Variants in GRM7 observed in about 807,000 individuals in gnomAD.
GRM7 encodes the protein glutamate metabotropic receptor 7.
A neutral mutation model predicts 84.5 loss-of-function variants in GRM7; 35 were observed. The ratio of observed to expected loss-of-function variants is 0.41; its 90% confidence interval spans 0.32 to 0.55. The LOEUF is 0.55. GRM7 is among the 20% of genes least tolerant of loss of function. GRM7 has a pLI of 0.19. For missense variants in GRM7, 1,003 were observed against 1,194.6 expected (o/e 0.84, Z 2.36); for synonymous variants, 487 against 455.1 (o/e 1.07, Z -0.89).
intron 5 of GRM7, among the ~76,000 whole-genome samples, chr3:7,420,389 A>ATAT (rs1696346099): frequency 2.6e-5 from 4 of 152,218 alleles, no homozygotes; most frequent in Admixed American, 6.5e-5. Context: ...TGAGGAATCC[A>ATAT]CAACAAAATG....
At chr3:6,902,850 T>TAC (rs34849112) in intron 1 of GRM7, among the ~76,000 whole-genome samples, 21,717 of 134,396 alleles carry the variant, frequency 0.16, 1,554 homozygotes, top group Non-Finnish European at 0.18. Flanking sequence ...AACAGACTCC[T>TAC]ACACACACAC....
At position 7,696,767 on chromosome 3, in the gene GRM7, G is replaced by A. The variant is rs558877995; in HGVS notation, c.2698+16472G>A. On this transcript the variant is annotated intron_variant, in intron 9 of 9. Transcript: ENST00000357716. ...TGTTTCAGAAGGAAAAAACAGTACA[G>A]GCAAAGGACTGAAGATGGCTATTTT... Among the ~76,000 whole-genome samples, 12 of 152,264 alleles carry A rather than the reference G, an allele frequency of 7.9e-5. No individual in the cohort carries two copies. The South Asian group carries it at 2.5e-3, about 32-fold the overall frequency.
intron 1 of GRM7, among the ~76,000 whole-genome samples, chr3:6,999,497 G>T (rs544287962): frequency 6.6e-6 from 1 of 152,114 alleles, no homozygotes; most frequent in South Asian, 2.1e-4. Context: ...TTCCACAATC[G>T]GGTACCCTTA....
intron 8 of GRM7, among the ~76,000 whole-genome samples, chr3:7,585,321 G>A (rs563068261): frequency 6.6e-6 from 1 of 152,250 alleles, no homozygotes; most frequent in South Asian, 2.1e-4. Context: ...CTGTTTGCAA[G>A]GCTGGTGTTA....
chr3:6,861,622 G>A lies in GRM7; in HGVS notation c.234G>A (p.Arg78=), dbSNP rs758534483. 1 of 1,613,410 alleles carries A rather than the reference G, an allele frequency of 6.2e-7. No homozygotes were observed. The highest frequency in any genetic ancestry group is 8.5e-7 in the Non-Finnish European group (1 of 1,179,786). Residue 78 remains arginine, a synonymous_variant, in exon 1 of 10, where the codon AGG becomes AGA. Transcript: ENST00000357716. The surrounding 1 kb of genome is among the most constrained non-coding windows in gnomAD (Gnocchi z 6.4). Reference sequence around the variant, plus strand: ...TCAAGAGGGAAAACGGGATCCACAGGCTGGAAGCGATGCTCTACGCCCTGG... The same window carrying A: ...TCAAGAGGGAAAACGGGATCCACAGACTGGAAGCGATGCTCTACGCCCTGG... The part of the protein sequence containing the change: ...GDIKRENGIH[R]LEAMLYALDQ...
intron 1 of GRM7, among the ~76,000 whole-genome samples, chr3:6,963,664 A>G (rs1693390277): frequency 6.6e-6 from 1 of 152,196 alleles, no homozygotes; most frequent in South Asian, 2.1e-4. Context: ...AAATGTGTGT[A>G]TATGTTTAGC....
rs577688890 is a variant in GRM7 at position 7,679,979 on chromosome 3, G to C, written c.2452-70G>C. On this transcript the variant is annotated intron_variant, in intron 8 of 9. Transcript: ENST00000357716. ...CCTAGCCATAGTCGTTCTTGACATC[G>C]CTTTAAGTGTTCAGACCCCTACTGC... is the stretch of plus-strand genomic sequence containing the variant. 2.8e-6 allele frequency: 4 copies of C among 1,445,382 alleles called. No homozygotes were observed. The East Asian group carries it at 6.8e-5, about 25-fold the overall frequency. 89.5% of individuals were successfully genotyped at this position (1,445,382 alleles called of 1,614,324 possible). A position where few individuals can be genotyped will look rare whatever the true frequency, so the allele number is the denominator to read the frequency against.
chr3:7,557,288 G>C (rs1416893135), intron 7 of GRM7, among the ~76,000 whole-genome samples: 1 of 152,110 alleles, frequency 6.6e-6, no homozygotes, highest in East Asian at 1.9e-4. Flanking sequence ...TCATGAGTTA[G>C]ACATGGAAGA....
chr3:7,637,312 A>G (rs1053956181), intron 8 of GRM7, among the ~76,000 whole-genome samples: 3 of 152,102 alleles, frequency 2.0e-5, no homozygotes, highest in African/African-American at 7.2e-5. Flanking sequence ...CTCACTTTAA[A>G]CAGCATCCAA....
At chr3:7,082,448 A>G (rs1469524523) in intron 1 of GRM7, among the ~76,000 whole-genome samples, 2 of 152,124 alleles carry the variant, frequency 1.3e-5, no homozygotes, top group East Asian at 1.9e-4. Flanking sequence ...CTGACAATGC[A>G]CTTGTTACCC....
chr3:6,869,596 T>G (rs1192251803), intron 1 of GRM7, among the ~76,000 whole-genome samples: 1 of 151,984 alleles, frequency 6.6e-6, no homozygotes, highest in African/African-American at 2.4e-5. Context: ...TCTATCTATC[T>G]ATCTATGGAG....
intron 4 of GRM7, among the ~76,000 whole-genome samples, chr3:7,334,181 A>G (rs1230271058): frequency 6.6e-6 from 1 of 152,142 alleles, no homozygotes; most frequent in Admixed American, 6.6e-5. Context: ...TTCAAGATAA[A>G]GGAAAGCATC....
intron 7 of GRM7, among the ~76,000 whole-genome samples, chr3:7,499,224 A>G (rs1229043730): frequency 6.6e-6 from 1 of 152,132 alleles, no homozygotes; most frequent in Non-Finnish European, 1.5e-5. Context: ...TGGCACTTGC[A>G]GGCACCCAGA....
chr3:7,706,479 G>C (rs1701392634), intron 9 of GRM7, among the ~76,000 whole-genome samples: 2 of 152,070 alleles, frequency 1.3e-5, no homozygotes, highest in African/African-American at 2.4e-5. Context: ...CTAAGTTTTG[G>C]TAATTTGCTT....
At chr3:7,687,248 G>A (rs1700621175) in intron 9 of GRM7, among the ~76,000 whole-genome samples, 2 of 152,298 alleles carry the variant, frequency 1.3e-5, no homozygotes, top group South Asian at 4.1e-4. Flanking sequence ...ATTGTGTGAT[G>A]TGTGAACTGG....
At chr3:7,689,137 A>C (rs1313358230) in intron 9 of GRM7, among the ~76,000 whole-genome samples, 1 of 152,194 alleles carries the variant, frequency 6.6e-6, no homozygotes, top group Non-Finnish European at 1.5e-5. Context: ...GTAAATTTTC[A>C]CACCCTAGGA....
At chr3:6,867,896 C>G (rs78939806) in intron 1 of GRM7, among the ~76,000 whole-genome samples, 1 of 152,090 alleles carries the variant, frequency 6.6e-6, no homozygotes, top group South Asian at 2.1e-4. Context: ...GACAAGTAAC[C>G]TGCTTTCAAC....
chr3:7,365,653 AT>A (rs2125110637), intron 4 of GRM7, among the ~76,000 whole-genome samples: 1 of 144,822 alleles, frequency 6.9e-6, no homozygotes, highest in East Asian at 2.0e-4. Context: ...GTGTGTATAT[AT>A]ATATATATAT....
At chr3:7,303,805 G>A (rs569278774) in intron 3 of GRM7, among the ~76,000 whole-genome samples, 1 of 152,050 alleles carries the variant, frequency 6.6e-6, no homozygotes, top group African/African-American at 2.4e-5. Context: ...ATCTGGATCA[G>A]TTATTATCAT....
Sources: allele counts gnomAD v4.1 joint callset (sites outside exome capture counted in the v4.1 genomes callset), GRCh38; gene constraint gnomAD v4.1.1; non-coding constraint Gnocchi (gnomAD v3.1); transcripts MANE v1.5; gene names NCBI Gene and HGNC (gene_info 2026-07-23, HGNC 2026-07-21).